The following FBN1 variants were observed in gnomAD, a reference collection of about 807,000 sequenced individuals.
FBN1 encodes fibrillin-1.
In FBN1, 29 loss-of-function variants were observed where a neutral mutation model predicts 365.1. The observed-to-expected ratio is 0.08, with a 90% CI of 0.06 to 0.11. The LOEUF is 0.11. FBN1 is among the 10% of genes least tolerant of loss of function. The pLI is 1.00. For synonymous variants in FBN1, 1,210 were observed against 1,270.5 expected (o/e 0.95, Z 1.01); for missense variants, 2,476 against 3,703.2 (o/e 0.67, Z 8.60).
intron 2 of FBN1, among the ~76,000 whole-genome samples, chr15:48,625,351 G>C (rs535938244): frequency 6.6e-6 from 1 of 152,222 alleles, no homozygotes; most frequent in South Asian, 2.1e-4. Flanking sequence ...TTCCACGGCA[G>C]GCAACCAGAG....
intron 2 of FBN1, among the ~76,000 whole-genome samples, chr15:48,623,774 G>T (rs1889815424): frequency 6.6e-6 from 1 of 152,182 alleles, no homozygotes; most frequent in Admixed American, 6.5e-5. Flanking sequence ...AGCACAAGCA[G>T]CACAAAGGTG....
chr15:48,429,297 A>G (rs967607343), intron 56 of FBN1, among the ~76,000 whole-genome samples: 1 of 152,236 alleles, frequency 6.6e-6, no homozygotes, highest in Non-Finnish European at 1.5e-5. Context: ...TAATCTTCAG[A>G]TTAACCTAGA....
chr15:48,538,010 G>A (rs1412696988), intron 6 of FBN1, among the ~76,000 whole-genome samples: 2 of 152,192 alleles, frequency 1.3e-5, no homozygotes, highest in Non-Finnish European at 2.9e-5. Flanking sequence ...AAATAGGGAT[G>A]AAAACATCAG....
At chr15:48,487,502 CT>C (rs2043519304) in intron 27 of FBN1, 65 bp from the exon 28 acceptor site, 1 of 1,602,540 alleles carries the variant, frequency 6.2e-7, no homozygotes, top group African/African-American at 1.3e-5. Context: ...CCAAGCACTC[CT>C]CCCCCACCCA....
At chr15:48,481,940 C>T (rs1310860359) in intron 31 of FBN1, among the ~76,000 whole-genome samples, 160 bp from the exon 32 acceptor site, 1 of 152,194 alleles carries the variant, frequency 6.6e-6, no homozygotes, top group African/African-American at 2.4e-5. Flanking sequence ...ATTTGCTCTT[C>T]ATTCTTTACA....
At chr15:48,500,903 C>T (rs1013508169) in intron 17 of FBN1, among the ~76,000 whole-genome samples, 5 of 152,156 alleles carry the variant, frequency 3.3e-5, no homozygotes, top group African/African-American at 1.2e-4. Context: ...TATTTGGAGT[C>T]TCTCCCTCAA....
Position 48,434,737 on chromosome 15 carries a change from C to T in FBN1, c.6497-24G>A, listed in dbSNP as rs558393773. On this transcript the variant is annotated intron_variant, in intron 53 of 65. Transcript: ENST00000316623. Reference sequence around the variant, plus strand: ...ATCTGCAAGAAACCAGGAATGTGTCCAAAACATGATGAATTGAGATAATAC... The same window carrying T: ...ATCTGCAAGAAACCAGGAATGTGTCTAAAACATGATGAATTGAGATAATAC... 2.5e-6 allele frequency: 4 copies of T among 1,611,898 alleles called. No individual in the cohort carries two copies. In the South Asian group the frequency reaches 4.4e-5, roughly 18 times the overall value.
intron 6 of FBN1, among the ~76,000 whole-genome samples, chr15:48,542,820 T>TGTGTGTGTGTGTGTA (rs2044067962): frequency 6.6e-6 from 1 of 151,156 alleles, no homozygotes; most frequent in South Asian, 2.1e-4. Context: ...TGTGTGTGTG[T>TGTGTGTGTGTGTGTA]GTGTGTGTGT....
chr15:48,533,949 T>G, intron 8 of FBN1, 131 bp downstream of exon 8: 1 of 1,311,136 alleles, frequency 7.6e-7, no homozygotes, highest in Non-Finnish European at 1.1e-6. Flanking sequence ...TTAAAAATAT[T>G]ATATTTACAC....
chr15:48,545,765 T>C (rs757708889), intron 6 of FBN1, among the ~76,000 whole-genome samples: 18 of 152,182 alleles, frequency 1.2e-4, no homozygotes, highest in Non-Finnish European at 2.2e-4. Flanking sequence ...CTCATGCCTA[T>C]ACCCCCAGCA....
chr15:48,446,918 C>T, intron 46 of FBN1, 96 bp from the exon 47 acceptor site: 1 of 800,672 alleles, frequency 1.2e-6, no homozygotes, highest in African/African-American at 1.7e-5. Context: ...GTTCACCAGG[C>T]CTCATCCATA....
At chr15:48,597,100 C>T (rs1434254378) in intron 5 of FBN1, among the ~76,000 whole-genome samples, 1 of 152,180 alleles carries the variant, frequency 6.6e-6, no homozygotes, top group Non-Finnish European at 1.5e-5. Context: ...TCAGTTCCAC[C>T]CACTCTTCAA....
At chr15:48,645,204 G>A (rs1160847531) in intron 1 of FBN1, among the ~76,000 whole-genome samples, 1 of 152,258 alleles carries the variant, frequency 6.6e-6, no homozygotes, top group Admixed American at 6.5e-5. Context: ...ATCCCCAGCG[G>A]TCCTAAGCCC....
At chr15:48,600,742 C>T (rs920184) in intron 4 of FBN1, among the ~76,000 whole-genome samples, 59,115 of 152,098 alleles carry the variant, frequency 0.39, 14,804 homozygotes, top group African/African-American at 0.72. Context: ...AATTGTTTCT[C>T]TGGCATTCAC....
chr15:48,498,021 C>T (rs1226148976), intron 18 of FBN1, among the ~76,000 whole-genome samples: 1 of 152,176 alleles, frequency 6.6e-6, no homozygotes, highest in Non-Finnish European at 1.5e-5. Flanking sequence ...TCTGAAAAAG[C>T]CTCCGTTGCT....
At chr15:48,424,656 T>G (rs2015637) in intron 60 of FBN1, among the ~76,000 whole-genome samples, 3 of 152,188 alleles carry the variant, frequency 2.0e-5, no homozygotes, top group Non-Finnish European at 4.4e-5. Flanking sequence ...CTCTACCACT[T>G]GGTCTATCTT....
intron 31 of FBN1, among the ~76,000 whole-genome samples, chr15:48,482,711 G>A (rs1446555212): frequency 6.6e-6 from 1 of 152,216 alleles, no homozygotes; most frequent in Non-Finnish European, 1.5e-5. Flanking sequence ...TCTTCTGCAA[G>A]TATTCAGATG....
At chr15:48,512,690 G>A (rs370786950) in intron 13 of FBN1, among the ~76,000 whole-genome samples, 1 of 151,992 alleles carries the variant, frequency 6.6e-6, no homozygotes. Context: ...ATTCCATGGT[G>A]TACATGTACT....
intron 13 of FBN1, among the ~76,000 whole-genome samples, chr15:48,513,240 C>A (rs2043774833): frequency 6.6e-6 from 1 of 152,138 alleles, no homozygotes; most frequent in South Asian, 2.1e-4. Flanking sequence ...GTTGCTGTGT[C>A]ATAAAGGACA....
Sources: allele counts gnomAD v4.1 joint callset (sites outside exome capture counted in the v4.1 genomes callset), GRCh38; gene constraint gnomAD v4.1.1; transcripts MANE v1.5; gene names NCBI Gene and HGNC (gene_info 2026-07-23, HGNC 2026-07-21).